Variants in NEB observed in about 807,000 individuals in gnomAD.
NEB encodes the protein nebulin.
In NEB, 512 loss-of-function variants were observed where a neutral mutation model predicts 952.2. The ratio of observed to expected loss-of-function variants is 0.54; its 90% confidence interval spans 0.50 to 0.58. The LOEUF (loss-of-function observed/expected upper bound fraction) is 0.58, where lower values mean the gene tolerates loss of function less well. NEB is among the 20% of genes least tolerant of loss of function. The probability of loss-of-function intolerance (pLI) is 0.00; values close to 1 mark genes in which losing one functional copy is unlikely to be tolerated. For synonymous variants in NEB, 2,900 were observed against 3,149.8 expected (o/e 0.92, Z 2.66); for missense variants, 8,428 against 9,231.1 (o/e 0.91, Z 3.56).
chr2:151,528,546 C>T (rs1012966711), intron 146 of NEB, among the ~76,000 whole-genome samples: 8 of 152,254 alleles, frequency 5.3e-5, no homozygotes, highest in African/African-American at 9.6e-5. Flanking sequence ...CCTCAGGATA[C>T]GTACAAGCTC....
intron 107 of NEB, among the ~76,000 whole-genome samples, chr2:151,574,859 G>C (rs977825942): frequency 7.9e-5 from 12 of 151,990 alleles, no homozygotes; most frequent in Admixed American, 1.3e-4. Context: ...AGCCTCCCAA[G>C]TAACTTGGGC....
intron 127 of NEB, 53 bp downstream of exon 127, chr2:151,553,345 C>T: frequency 7.1e-7 from 1 of 1,410,796 alleles, no homozygotes; most frequent in South Asian, 1.2e-5. Flanking sequence ...CCTCTTAACT[C>T]TAGACTATGG....
rs1347524577 is a variant in NEB at position 151,697,643 on chromosome 2, T to C, written c.1158A>G (p.Leu386=). The change falls in exon 14 of 182, where the codon CTA becomes CTG. Residue 386 remains leucine, a synonymous_variant. Transcript: ENST00000397345. The part of the protein sequence containing the change: ...KAAGDALSDK[L]YKENYEKTKA... ...TTGTCTTTTCATAGTTTTCCTTGTA[T>C]AGTTTCTGTCAAAGAAAAAAAATTC... 6.2e-6 allele frequency: 10 copies of C among 1,600,980 alleles called. No homozygotes were observed. Among genetic ancestry groups the C allele is most frequent in the South Asian group, 1.1e-5 (1 of 88,180 alleles).
rs556099353 is a variant in NEB, at chr2:151,662,536, C to T, written c.5764-195G>A. On this transcript the variant is annotated intron_variant, in intron 45 of 181. Transcript: ENST00000397345. Reference sequence around the variant, plus strand: ...ACCATTTCTTCCCTAAACTTTTATCCTTTTTATATTTCCTTGCATGATAAA... The same window carrying T: ...ACCATTTCTTCCCTAAACTTTTATCTTTTTTATATTTCCTTGCATGATAAA... Among the ~76,000 whole-genome samples the T allele has an allele frequency of 9.4e-4, 143 of 152,278 alleles. 2 individuals carry two copies. The Middle Eastern group carries it at 0.037, about 40-fold the overall frequency.
rs764509356 is a variant in NEB at position 151,548,314 on chromosome 2, G to A, written c.20151C>T (p.Thr6717=). ...FVHVRRVNNV[T]SERLYRELYH... is the part of the protein sequence containing the mutation. ...AGAATCAGCATTCAGGTACCTCGCTGGTAACATTGTTGACTCTCCGGACGT... is the reference window on the plus strand; with the variant it reads ...AGAATCAGCATTCAGGTACCTCGCTAGTAACATTGTTGACTCTCCGGACGT... The change falls in exon 131 of 182, where the codon ACC becomes ACT. Residue 6717 remains threonine, a synonymous_variant. Transcript: ENST00000397345. 9.3e-6 allele frequency: 15 copies of A among 1,610,174 alleles called. No individual in the cohort carries two copies. The highest frequency in any genetic ancestry group is 1.2e-5 in the Non-Finnish European group (14 of 1,176,696).
At chr2:151,617,057 C>T (rs1291021190) in intron 75 of NEB, among the ~76,000 whole-genome samples, 1 of 152,206 alleles carries the variant, frequency 6.6e-6, no homozygotes, top group Non-Finnish European at 1.5e-5. Flanking sequence ...TGCCTACTTG[C>T]TAGCTGCTGA....
intron 34 of NEB, among the ~76,000 whole-genome samples, chr2:151,677,147 G>T (rs1008427870): frequency 6.6e-6 from 1 of 152,160 alleles, no homozygotes; most frequent in African/African-American, 2.4e-5. Flanking sequence ...TTACTTCTCT[G>T]TATTAATGTC....
intron 12 of NEB, among the ~76,000 whole-genome samples, chr2:151,708,022 C>A (rs1488808076): frequency 6.6e-6 from 1 of 152,198 alleles, no homozygotes; most frequent in Admixed American, 6.5e-5. Flanking sequence ...CTGGGATACA[C>A]AGCCTTCTCC....
chr2:151,578,154 A>C (rs1158125997), intron 105 of NEB, among the ~76,000 whole-genome samples: 2 of 152,244 alleles, frequency 1.3e-5, no homozygotes, highest in African/African-American at 4.8e-5. Flanking sequence ...TAAGTTATCC[A>C]TTCTATACAG....
In NEB at chr2:151,644,090, G is replaced by A; in HGVS notation, c.7684C>T (p.His2562Tyr). Residue 2562 changes from histidine to tyrosine, a missense_variant, in exon 57 of 182, where the codon CAC (histidine) becomes TAC (tyrosine). Physicochemically the swap from His to Tyr is moderately conservative, Grantham distance 83. Transcript: ENST00000397345. ...TCTTCAATGTTCCGGGCACCAATGT[G>A]GTGGCCGAGCTGCTTGCGAAAGCCT... is the stretch of plus-strand genomic sequence containing the variant. The part of the protein sequence containing the change: ...KEGFRKQLGH[H>Y]IGARNIEDDP... The A allele has an allele frequency of 1.2e-6, 2 of 1,613,952 alleles. No individual in the cohort carries two copies. The highest frequency in any genetic ancestry group is 1.7e-6 in the Non-Finnish European group (2 of 1,179,882).
intron 55 of NEB, 91 bp from the exon 56 acceptor site, chr2:151,644,666 T>C (rs2098931016): frequency 1.9e-6 from 2 of 1,063,038 alleles, no homozygotes; most frequent in East Asian, 4.8e-5. Flanking sequence ...TTTGAGTCCA[T>C]GAGAATAGCA....
intron 153 of NEB, among the ~76,000 whole-genome samples, chr2:151,520,745 T>G (rs1320210955): frequency 2.0e-5 from 3 of 152,070 alleles, no homozygotes; most frequent in Non-Finnish European, 4.4e-5. Flanking sequence ...ACCCCTGTAG[T>G]CTCAGCTACT....
chr2:151,488,031 A>G (rs944919477), intron 181 of NEB, among the ~76,000 whole-genome samples: 1 of 152,044 alleles, frequency 6.6e-6, no homozygotes, highest in Non-Finnish European at 1.5e-5. Flanking sequence ...TAGCACTTTT[A>G]TTTTTATATT....
chr2:151,539,186 G>A (rs1205120605), intron 138 of NEB, among the ~76,000 whole-genome samples: 3 of 152,160 alleles, frequency 2.0e-5, no homozygotes, highest in Non-Finnish European at 4.4e-5. Flanking sequence ...TGTGGCCACC[G>A]CTGTAAGATA....
chr2:151,686,482 A>G (rs1328436367), intron 27 of NEB, among the ~76,000 whole-genome samples: 2 of 152,234 alleles, frequency 1.3e-5, no homozygotes, highest in East Asian at 3.8e-4. Flanking sequence ...AAAAGACTCA[A>G]CTAGTGAACA....
At chr2:151,557,195 G>A (rs765563010) in intron 124 of NEB, among the ~76,000 whole-genome samples, 17 of 152,116 alleles carry the variant, frequency 1.1e-4, no homozygotes, top group African/African-American at 2.9e-4. Flanking sequence ...TATCACCACC[G>A]TTCCCACAGA....
rs776553132 is a variant in NEB at position 151,629,551 on chromosome 2, G to A, written c.9819C>T (p.Asp3273=). ...TGTTGCTACTCACATCACTGATAAC[G>A]TCCCTGGAGGCCTTGGCAGCCACGA... ...IPIVAAKASR[D]VISDYKYKDG... The change falls in exon 68 of 182, where the codon GAC becomes GAT. Residue 3273 remains aspartate, a synonymous_variant. Transcript: ENST00000397345. 9.3e-6 allele frequency: 15 copies of A among 1,612,698 alleles called. No homozygotes were observed. Among genetic ancestry groups the A allele is most frequent in the Non-Finnish European group, 1.3e-5 (15 of 1,178,952 alleles).
At chr2:151,610,311 G>GT (rs2097901213) in intron 80 of NEB, among the ~76,000 whole-genome samples, 191 bp from the exon 81 acceptor site, 1 of 152,128 alleles carries the variant, frequency 6.6e-6, no homozygotes, top group Admixed American at 6.5e-5. Context: ...ATCTTCATTG[G>GT]TGAAAGCATT....
chr2:151,666,831 G>C (rs1444369680), intron 40 of NEB, among the ~76,000 whole-genome samples: 1 of 151,946 alleles, frequency 6.6e-6, no homozygotes, highest in Non-Finnish European at 1.5e-5. Context: ...CAAAGTGCTA[G>C]GATTAGACGT....
Sources: gnomAD v4.1 joint callset for allele counts (sites outside exome capture counted in the v4.1 genomes callset) on GRCh38, gnomAD v4.1.1 for gene constraint, MANE v1.5 for transcripts, NCBI Gene and HGNC (gene_info 2026-07-23, HGNC 2026-07-21) for gene names.